AIPL1: variants seen among roughly 807,000 people sequenced by gnomAD.
AIPL1 encodes the protein AIP like 1 HSP90 co-chaperone.
In AIPL1, 23 loss-of-function variants were observed where a neutral mutation model predicts 32.9. That is an observed-to-expected ratio of 0.70 (90% CI 0.50 to 0.99). The LOEUF (loss-of-function observed/expected upper bound fraction) is 0.99. AIPL1 is among the 50% of genes least tolerant of loss of function. AIPL1 has a pLI of 0.00. For missense variants in AIPL1, 485 were observed against 506.0 expected (o/e 0.96, Z 0.40); for synonymous variants, 210 against 209.4 (o/e 1.00, Z -0.02).
At position 6,433,976 on chromosome 17, in the gene AIPL1, CT is replaced by C; in HGVS notation, c.218del (p.Glu73GlyfsTer32). ...IGNMFKLEVW[E>X]ILLTSMRVHE... ...GCACCCGCATGGAGGTAAGCAGGAT[CT>C]CCCAGACCTCGAGCTTGAACATGTT... On this transcript the variant is annotated frameshift_variant, in exon 2 of 6. Transcript: ENST00000381129. LOFTEE classifies it high-confidence loss of function. The C allele has an allele frequency of 6.2e-7, 1 of 1,613,956 alleles. No individual in the cohort carries two copies. Among genetic ancestry groups the C allele is most frequent in the Non-Finnish European group, 8.5e-7 (1 of 1,179,992 alleles).
Position 6,434,999 on chromosome 17 carries a change from C to T in AIPL1, c.96+10G>A, listed in dbSNP as rs1369522704. 1.2e-6 allele frequency: 2 copies of T among 1,614,012 alleles called. No homozygotes were observed. Among genetic ancestry groups the T allele is most frequent in the Non-Finnish European group, 1.7e-6 (2 of 1,180,012 alleles). ...GGGGACCCTGTCTGCTCCGGAGGGGCCCCACTCACTCGGGATCCGGTGATG... is the reference window on the plus strand; with the variant it reads ...GGGGACCCTGTCTGCTCCGGAGGGGTCCCACTCACTCGGGATCCGGTGATG... On this transcript the variant is annotated intron_variant, in intron 1 of 5. Coordinates refer to ENST00000381129, the MANE Select transcript of AIPL1 (RefSeq NM_014336.5).
chr17:6,425,890 G>C (rs1597326224), intron 5 of AIPL1, 60 bp from the exon 6 acceptor site: 2 of 1,571,234 alleles, frequency 1.3e-6, no homozygotes, highest in Admixed American at 3.5e-5. Context: ...GGCAGCCCCA[G>C]CCCAGCTGGG....
rs995020924 is a variant in AIPL1, at chr17:6,425,315, T to G, written c.*145A>C. 5 of 1,085,104 alleles carry G rather than the reference T, an allele frequency of 4.6e-6. No individual in the cohort carries two copies. Among genetic ancestry groups the G allele is most frequent in the East Asian group, 2.6e-5 (1 of 38,236 alleles). The allele number at this position is 1,085,104 out of a possible 1,614,324, so 67.2% of individuals were successfully genotyped here. ...TCTGTACCCTTGGGATTGTTTTTTT[T>G]TTTTTTTTTACCATGGGTGTGTCTG... On this transcript the variant is annotated 3_prime_UTR_variant, in exon 6 of 6. Coordinates refer to ENST00000381129, the MANE Select transcript of AIPL1 (RefSeq NM_014336.5).
At chr17:6,426,404 AAC>A (rs538544141) in intron 5 of AIPL1, 473 of 1,433,034 alleles carry the variant, frequency 3.3e-4, no homozygotes, top group Non-Finnish European at 4.1e-4. Flanking sequence ...TAAGTGTTCA[AAC>A]ACACATTAAA....
intron 3 of AIPL1, 88 bp from the exon 4 acceptor site, chr17:6,427,145 T>A (rs1912078625): frequency 9.6e-6 from 14 of 1,451,992 alleles, no homozygotes; most frequent in Non-Finnish European, 1.3e-5. Flanking sequence ...CTGTGGCACA[T>A]CTCCCTGAAG....
At position 6,434,058 on chromosome 17, in the gene AIPL1, C is replaced by G. The variant is rs755639765; in HGVS notation, c.137G>C (p.Arg46Pro). The change falls in exon 2 of 6, where the codon CGG becomes CCG. Residue 46 changes from arginine (R) to proline (P), a missense_variant. By Grantham distance (103) the Arg-to-Pro change is moderately radical. Transcript: ENST00000381129. ...HFRTMKCDEE[R>P]TVIDDSRQVG... ...CTGCCGACTGTCGTCAATGACTGTC[C>G]GCTCCTCATCACATTTCATGGTGCG... The G allele has an allele frequency of 2.5e-5, 41 of 1,613,990 alleles. No homozygotes were observed. The highest frequency in any genetic ancestry group is 2.9e-5 in the Non-Finnish European group (34 of 1,180,030).
chr17:6,434,147 C>T (rs201702198), intron 1 of AIPL1, 49 bp from the exon 2 acceptor site: 64 of 1,595,022 alleles, frequency 4.0e-5, no homozygotes, highest in East Asian at 6.7e-5. Context: ...GTTCAAGGCC[C>T]GGCAGAAGCC....
chr17:6,434,994 A>G lies in AIPL1; in HGVS notation c.96+15T>C. The stretch of plus-strand genomic sequence containing the variant: ...CTGTGGGGGACCCTGTCTGCTCCGG[A>G]GGGGCCCCACTCACTCGGGATCCGG... On this transcript the variant is annotated intron_variant, in intron 1 of 5. Coordinates refer to ENST00000381129, the MANE Select transcript of AIPL1 (RefSeq NM_014336.5). 3 of 1,614,026 alleles carry G rather than the reference A, an allele frequency of 1.9e-6. No homozygotes were observed. Among genetic ancestry groups the G allele is most frequent in the Non-Finnish European group, 2.5e-6 (3 of 1,179,970 alleles).
In AIPL1 at chr17:6,428,425, T is replaced by C. The variant is rs200049623; in HGVS notation, c.358A>G (p.Thr120Ala). 1.9e-5 allele frequency: 31 copies of C among 1,613,594 alleles called. No individual in the cohort carries two copies. The highest frequency in any genetic ancestry group is 5.0e-5 in the Admixed American group (3 of 60,014). Residue 120 changes from threonine (T) to alanine (A), a missense_variant, in exon 3 of 6, where the codon ACG (threonine) becomes GCG (alanine). Thr to Ala is a moderately conservative substitution (Grantham distance 58, BLOSUM62 0). Transcript: ENST00000381129. Reference sequence around the variant, plus strand: ...GCGAACATGTTGGCCAGCCCGCACGTGTGCACGTGCCACTCTGTGGGGTCC... The same window carrying C: ...GCGAACATGTTGGCCAGCCCGCACGCGTGCACGTGCCACTCTGTGGGGTCC... ...GKDPTEWHVH[T>A]CGLANMFAYH...
At position 6,424,719 on chromosome 17, in the gene AIPL1, C is replaced by G. The variant is rs1016111977; in HGVS notation, c.*741G>C. On this transcript the variant is annotated 3_prime_UTR_variant, in exon 6 of 6. Coordinates refer to ENST00000381129, the MANE Select transcript of AIPL1 (RefSeq NM_014336.5). The stretch of plus-strand genomic sequence containing the variant: ...CTGGGATTATAGGCGCCCGCCACCA[C>G]GCCCAGCTAGTTTTTTTGTATTTTT... 6.6e-6 allele frequency: 1 copy of G among 152,184 alleles called. No individual in the cohort carries two copies. Among genetic ancestry groups the G allele is most frequent in the Admixed American group, 6.5e-5 (1 of 15,274 alleles). 9.4% of individuals were successfully genotyped at this position (152,184 alleles called of 1,614,324 possible).
chr17:6,432,627 T>C (rs955470535), intron 2 of AIPL1, among the ~76,000 whole-genome samples: 5 of 140,412 alleles, frequency 3.6e-5, no homozygotes, highest in African/African-American at 1.4e-4. Flanking sequence ...AAAGTTTCTT[T>C]AATATCCTCT....
At position 6,428,514 on chromosome 17, in the gene AIPL1, G is replaced by A. The variant is rs1048112153; in HGVS notation, c.277-8C>T. On this transcript the variant is annotated splice_polypyrimidine_tract_variant and splice_region_variant and intron_variant, in intron 2 of 5. Transcript: ENST00000381129. ...GGGGTAGACCCCCGTGTGCTGTGGG[G>A]ATAAACGGATGGATGGCATCCAGGC... 1.2e-6 allele frequency: 2 copies of A among 1,613,622 alleles called. No individual in the cohort carries two copies. The highest frequency in any genetic ancestry group is 1.3e-5 in the African/African-American group (1 of 75,054).
chr17:6,427,986 A>G (rs975350650), intron 3 of AIPL1, among the ~76,000 whole-genome samples: 2 of 151,926 alleles, frequency 1.3e-5, no homozygotes, highest in African/African-American at 4.8e-5. Flanking sequence ...CACCCGGTTA[A>G]TTTTTGTGTT....
Position 6,433,853 on chromosome 17 carries a change from C to G in AIPL1, c.276+66G>C, listed in dbSNP as rs117325136. The G allele has an allele frequency of 0.026, 41,257 of 1,563,926 alleles. 632 individuals are homozygous for G. Among genetic ancestry groups the G allele is most frequent in the Non-Finnish European group, 0.031 (35,314 of 1,157,610 alleles). ...CAGCTTTCCCGAAACACAGCAGCCCCGCAAAGCGGGTGGGTGAGCCCAGAA... is the reference window on the plus strand; with the variant it reads ...CAGCTTTCCCGAAACACAGCAGCCCGGCAAAGCGGGTGGGTGAGCCCAGAA... On this transcript the variant is annotated intron_variant, in intron 2 of 5. Transcript: ENST00000381129.
rs1297009308 is a variant in AIPL1, at chr17:6,425,526, G to A, written c.1089C>T (p.Ser363=). The change falls in exon 6 of 6, where the codon TCC becomes TCT. Residue 363 remains serine, a synonymous_variant. Coordinates refer to ENST00000381129, the MANE Select transcript of AIPL1 (RefSeq NM_014336.5). ...EPPTAPSAEL[S]AGPPAEPATE... ...TGGCTGGCTCTGCAGGGGGCCCTGC[G>A]GACAGCTCTGCAGATGGTGCTGTGG... 10 of 1,611,780 alleles carry A rather than the reference G, an allele frequency of 6.2e-6. No individual in the cohort carries two copies. Among genetic ancestry groups the A allele is most frequent in the Admixed American group, 1.7e-5 (1 of 59,990 alleles).
rs1338241285 is a variant in AIPL1, at chr17:6,426,320, A to G, written c.784+295T>C. 8 of 1,373,210 alleles carry G rather than the reference A, an allele frequency of 5.8e-6. No homozygotes were observed. The East Asian group carries it at 2.3e-4, about 39-fold the overall frequency. The allele number at this position is 1,373,210 out of a possible 1,614,324, so 85.1% of individuals were successfully genotyped here. A position where few individuals can be genotyped will look rare whatever the true frequency, so the allele number is the denominator to read the frequency against. On this transcript the variant is annotated intron_variant, in intron 5 of 5. Transcript: ENST00000381129. ...TACCGACATCATAATATTTTTCCCTATATTGATTGCCCCTCTTTTTTAAAC... is the reference window on the plus strand; with the variant it reads ...TACCGACATCATAATATTTTTCCCTGTATTGATTGCCCCTCTTTTTTAAAC...
chr17:6,427,085 G>T, intron 3 of AIPL1, 28 bp from the exon 4 acceptor site: 1 of 1,613,374 alleles, frequency 6.2e-7, no homozygotes. Context: ...GGTCAGTGAG[G>T]CAGGGACCCC....
chr17:6,428,547 C>T (rs752376293), intron 2 of AIPL1, 41 bp from the exon 3 acceptor site: 1 of 1,601,946 alleles, frequency 6.2e-7, no homozygotes, highest in Non-Finnish European at 8.5e-7. Flanking sequence ...GGCTACCTGC[C>T]CAGAGCTAGG....
chr17:6,426,854 T>C (rs1315637623), intron 4 of AIPL1, 27 bp downstream of exon 4: 1 of 1,613,642 alleles, frequency 6.2e-7, no homozygotes, highest in Non-Finnish European at 8.5e-7. Flanking sequence ...CAGCGCCACT[T>C]CCCACCCCTG....
Sources: gnomAD v4.1 joint callset for allele counts (sites outside exome capture counted in the v4.1 genomes callset) on GRCh38, gnomAD v4.1.1 for gene constraint, MANE v1.5 for transcripts, NCBI Gene and HGNC (gene_info 2026-07-23, HGNC 2026-07-21) for gene names.